The following FRMD7 variants were observed in gnomAD, a reference collection of about 807,000 sequenced individuals.
The protein encoded by FRMD7 is FERM domain containing 7.
Under a neutral mutation model 44.1 loss-of-function variants are expected in FRMD7, and 14 were observed. The observed-to-expected ratio is 0.32, with a 90% CI of 0.21 to 0.50. The LOEUF (loss-of-function observed/expected upper bound fraction) is 0.50. Among genes scored for constraint, FRMD7 ranks in the 20% least tolerant of loss-of-function variants. FRMD7 has a pLI of 0.99. For synonymous variants in FRMD7, 212 were observed against 187.4 expected, an observed-to-expected ratio of 1.13 and a Z score of -1.07; for missense variants, 501 against 522.3, an observed-to-expected ratio of 0.96 and a Z score of 0.40.
intron 1 of FRMD7, among the ~76,000 whole-genome samples, chrX:132,124,522 T>C (rs890450584): frequency 2.7e-5 from 3 of 111,904 alleles, no homozygotes; most frequent in Non-Finnish European, 5.6e-5. Context: ...TAACCTATCC[T>C]GCACCCCTAA....
In FRMD7 at chrX:132,095,584, G is replaced by A. The variant is rs192243872; in HGVS notation, c.285-1445C>T. 2.3e-3 allele frequency among the ~76,000 whole-genome samples: 253 copies of A among 111,985 alleles called. 1 individual carries two copies. Among genetic ancestry groups the A allele is most frequent in the African/African-American group, 7.8e-3 (242 of 30,830 alleles). On this transcript the variant is annotated intron_variant, in intron 4 of 11. Transcript: ENST00000298542. Reference sequence around the variant, plus strand: ...GATTGAAAAAGCAAGTAAATTAGCAGGTGATTATTCAGTTTACAAAAGCAT... The same window carrying A: ...GATTGAAAAAGCAAGTAAATTAGCAAGTGATTATTCAGTTTACAAAAGCAT...
chrX:132,126,187 C>G (rs1382611156), intron 1 of FRMD7, among the ~76,000 whole-genome samples: 1 of 111,290 alleles, frequency 9.0e-6, no homozygotes, highest in Non-Finnish European at 1.9e-5. Flanking sequence ...GCTTCTAACT[C>G]CTCTGGACAA....
intron 1 of FRMD7, among the ~76,000 whole-genome samples, chrX:132,124,867 A>G (rs779168390): frequency 8.9e-6 from 1 of 111,953 alleles, no homozygotes; most frequent in African/African-American, 3.2e-5. Context: ...TACTGTTCCC[A>G]GAACTGGGCC....
chrX:132,085,030 T>C (rs1026284546), intron 7 of FRMD7, among the ~76,000 whole-genome samples: 8 of 111,306 alleles, frequency 7.2e-5, no homozygotes, highest in Non-Finnish European at 9.4e-5. Context: ...ATAACCTTTG[T>C]TCCCACTAAT....
At chrX:132,084,428 G>T in intron 8 of FRMD7, 62 bp downstream of exon 8, 1 of 713,678 alleles carries the variant, frequency 1.4e-6, no homozygotes, top group Non-Finnish European at 2.3e-6. Flanking sequence ...ACGATTTGCA[G>T]AAACAACCAA....
rs765704983 is a variant in FRMD7 at position 132,115,580 on chromosome X, C to T, written c.57+12208G>A. On this transcript the variant is annotated intron_variant, in intron 1 of 11. Transcript: ENST00000298542. Reference sequence around the variant, plus strand: ...ATTAGCAATCTTTAATGGGAAACTACATCCCAAGGGATACTAACCTTTGTG... The same window carrying T: ...ATTAGCAATCTTTAATGGGAAACTATATCCCAAGGGATACTAACCTTTGTG... Among the ~76,000 whole-genome samples, 68 of 112,046 alleles carry T rather than the reference C, an allele frequency of 6.1e-4. No homozygotes were observed. The Admixed American group carries it at 6.3e-3, about 10-fold the overall frequency.
At chrX:132,113,576 C>A (rs1268323986) in intron 1 of FRMD7, among the ~76,000 whole-genome samples, 1 of 111,585 alleles carries the variant, frequency 9.0e-6, no homozygotes, top group Non-Finnish European at 1.9e-5. Context: ...AGATAAACAG[C>A]TAGAACTTGT....
intron 1 of FRMD7, among the ~76,000 whole-genome samples, chrX:132,109,372 C>T (rs1318608523): frequency 6.3e-5 from 7 of 111,918 alleles, no homozygotes; most frequent in South Asian, 7.5e-4. Flanking sequence ...TTGTATTTTT[C>T]GAGCTCTTTT....
chrX:132,093,903 G>A, intron 5 of FRMD7, 139 bp downstream of exon 5: 1 of 515,355 alleles, frequency 1.9e-6, no homozygotes, highest in Admixed American at 2.7e-5. Context: ...AGGCCATGCT[G>A]TTTCTCTCTA....
intron 1 of FRMD7, among the ~76,000 whole-genome samples, chrX:132,117,394 A>G (rs1191181530): frequency 2.7e-5 from 3 of 112,164 alleles, no homozygotes; most frequent in African/African-American, 9.7e-5. Context: ...AATAAAAATT[A>G]TATGTATTTA....
intron 1 of FRMD7, among the ~76,000 whole-genome samples, chrX:132,111,978 G>C (rs889306752): frequency 1.8e-5 from 2 of 112,030 alleles, no homozygotes; most frequent in Non-Finnish European, 3.8e-5. Context: ...ACTTCTTGAG[G>C]AATAAACCCT....
chrX:132,087,379 G>A (rs988672878), intron 5 of FRMD7, among the ~76,000 whole-genome samples: 2 of 111,384 alleles, frequency 1.8e-5, no homozygotes, highest in Admixed American at 9.5e-5. Context: ...TACCTATTTT[G>A]AGTGCTGGAG....
At chrX:132,113,409 G>GT (rs1235232152) in intron 1 of FRMD7, among the ~76,000 whole-genome samples, 1 of 111,510 alleles carries the variant, frequency 9.0e-6, no homozygotes, top group Non-Finnish European at 1.9e-5. Context: ...TCCAGAGCAG[G>GT]TAAGAGACTT....
intron 9 of FRMD7, 94 bp from the exon 10 acceptor site, chrX:132,080,360 C>T (rs1927769196): frequency 1.7e-6 from 1 of 581,707 alleles, no homozygotes; most frequent in African/African-American, 2.3e-5. Context: ...AATCAAAAGA[C>T]TAGATGAATG....
At chrX:132,091,563 C>T (rs747537627) in intron 5 of FRMD7, among the ~76,000 whole-genome samples, 5 of 110,283 alleles carry the variant, frequency 4.5e-5, no homozygotes, top group East Asian at 2.9e-4. Context: ...GTGGCTTACG[C>T]GTGTAATCCC....
At chrX:132,087,169 T>C (rs1267902594) in intron 5 of FRMD7, among the ~76,000 whole-genome samples, 1 of 112,046 alleles carries the variant, frequency 8.9e-6, no homozygotes, top group Non-Finnish European at 1.9e-5. Flanking sequence ...GTCAGATTTA[T>C]ATGAATCATT....
chrX:132,094,965 T>G (rs1409800286), intron 4 of FRMD7, among the ~76,000 whole-genome samples: 1 of 111,844 alleles, frequency 8.9e-6, no homozygotes, highest in Non-Finnish European at 1.9e-5. Context: ...AAAGTCATTT[T>G]CAAAGGAGAA....
At chrX:132,082,689 C>A (rs1927857477) in intron 8 of FRMD7, among the ~76,000 whole-genome samples, 163 bp from the exon 9 acceptor site, 1 of 112,069 alleles carries the variant, frequency 8.9e-6, no homozygotes, top group Non-Finnish European at 1.9e-5. Flanking sequence ...TGATTGGCAA[C>A]CTTGCGAGGA....
At chrX:132,083,777 T>C (rs1489572833) in intron 8 of FRMD7, among the ~76,000 whole-genome samples, 1 of 111,738 alleles carries the variant, frequency 8.9e-6, no homozygotes, top group East Asian at 2.8e-4. Flanking sequence ...CTGGGCAACA[T>C]AGTGAGACCT....
Sources: gnomAD v4.1 joint callset for allele counts (sites outside exome capture counted in the v4.1 genomes callset) on GRCh38, gnomAD v4.1.1 for gene constraint, MANE v1.5 for transcripts, NCBI Gene and HGNC (gene_info 2026-07-23, HGNC 2026-07-21) for gene names.